The following DDX42 variants were observed in gnomAD, a reference collection of about 807,000 sequenced individuals.
DDX42 encodes the protein ATP-dependent RNA helicase DDX42.
Under a neutral mutation model 101.5 loss-of-function variants are expected in DDX42, and 22 were observed. That is an observed-to-expected ratio of 0.22 (90% CI 0.15 to 0.31). The LOEUF is 0.31. Ranked by LOEUF, DDX42 falls within the 10% of genes least tolerant of loss-of-function variation. The pLI, the probability that DDX42 is intolerant of heterozygous loss-of-function variation, is 1.00. For synonymous variants in DDX42, 402 were observed against 401.2 expected (o/e 1.00, Z -0.02); for missense variants, 849 against 1,199.9 (o/e 0.71, Z 4.32).
intron 14 of DDX42, among the ~76,000 whole-genome samples, chr17:63,812,952 G>C (rs2039930135): frequency 6.6e-6 from 1 of 152,152 alleles, no homozygotes; most frequent in Admixed American, 6.5e-5. Flanking sequence ...TTGAACCAGG[G>C]AGTCGGAGGT....
intron 1 of DDX42, chr17:63,774,822 C>G (rs995607319): frequency 6.6e-6 from 1 of 152,192 alleles, no homozygotes; most frequent in African/African-American, 2.4e-5. Flanking sequence ...GATCTTTGTG[C>G]AGCGTTGAGT....
chr17:63,780,617 C>G (rs188939232), intron 1 of DDX42, among the ~76,000 whole-genome samples: 1 of 152,198 alleles, frequency 6.6e-6, no homozygotes, highest in East Asian at 1.9e-4. Context: ...CTTGGCCTTC[C>G]TAGAGTCAGT....
At chr17:63,816,171 A>G (rs141024241) in intron 16 of DDX42, among the ~76,000 whole-genome samples, 3 of 152,286 alleles carry the variant, frequency 2.0e-5, no homozygotes, top group Non-Finnish European at 2.9e-5. Flanking sequence ...CCAGGTAACA[A>G]ATGTACCCTT....
chr17:63,811,802 C>G (rs1198773671), intron 13 of DDX42, 130 bp from the exon 14 acceptor site: 3 of 1,247,882 alleles, frequency 2.4e-6, no homozygotes. Flanking sequence ...ACTTGACTTG[C>G]TGAAGGCCCA....
chr17:63,810,385 C>T (rs765630432), intron 11 of DDX42, 128 bp from the exon 12 acceptor site: 1 of 907,298 alleles, frequency 1.1e-6, no homozygotes, highest in African/African-American at 1.7e-5. Context: ...GCCACTGTGC[C>T]TGGCCTGGGG....
At chr17:63,797,562 A>G (rs961087407) in intron 3 of DDX42, among the ~76,000 whole-genome samples, 3 of 152,130 alleles carry the variant, frequency 2.0e-5, no homozygotes, top group African/African-American at 7.2e-5. Context: ...TCTAGAAACC[A>G]GTACTATCAG....
At chr17:63,785,904 C>T (rs2039542610) in intron 1 of DDX42, among the ~76,000 whole-genome samples, 1 of 152,206 alleles carries the variant, frequency 6.6e-6, no homozygotes, top group Non-Finnish European at 1.5e-5. Context: ...GATGTCATTA[C>T]CAGAGGATAA....
At chr17:63,810,462 T>C in intron 11 of DDX42, 51 bp from the exon 12 acceptor site, 2 of 1,591,424 alleles carry the variant, frequency 1.3e-6, no homozygotes, top group South Asian at 1.1e-5. Context: ...TTTCCAGGCT[T>C]CCCAAACTGT....
At chr17:63,782,411 A>C (rs190565036) in intron 1 of DDX42, among the ~76,000 whole-genome samples, 80 of 152,224 alleles carry the variant, frequency 5.3e-4, no homozygotes, top group African/African-American at 1.9e-3. Flanking sequence ...CCCTCTCTGC[A>C]GTTACTGCCC....
At chr17:63,774,709 A>C (rs1442584225) in intron 1 of DDX42, 2 of 152,280 alleles carry the variant, frequency 1.3e-5, no homozygotes, top group Non-Finnish European at 2.9e-5. Context: ...CGCGGGGAGA[A>C]TTCTGACCCA....
At chr17:63,806,507 C>A in intron 7 of DDX42, 28 bp from the exon 8 acceptor site, 1 of 1,598,138 alleles carries the variant, frequency 6.3e-7, no homozygotes. Context: ...AAGTACAAGT[C>A]ATTCTGGGGA....
chr17:63,789,571 GTTTTT>G (rs538515067), intron 2 of DDX42, among the ~76,000 whole-genome samples: 2 of 45,680 alleles, frequency 4.4e-5, no homozygotes, highest in Non-Finnish European at 8.4e-5. Flanking sequence ...TTTTGTTTTT[GTTTTT>G]TTTTTTTTTT....
chr17:63,775,974 G>A (rs1486287171), intron 1 of DDX42: 1 of 152,158 alleles, frequency 6.6e-6, no homozygotes, highest in African/African-American at 2.4e-5. Context: ...GCATTTACTT[G>A]TATTTGGTTT....
chr17:63,799,776 A>G (rs913530750), intron 5 of DDX42, 151 bp downstream of exon 5: 12 of 689,168 alleles, frequency 1.7e-5, no homozygotes, highest in African/African-American at 3.6e-5. Flanking sequence ...TGTGTGACCA[A>G]TTGGTAATAC....
rs2144585605 is a variant in DDX42, at chr17:63,812,214, G to A, written c.1675+6G>A. On this transcript the variant is annotated splice_donor_region_variant and intron_variant, in intron 14 of 17. Transcript: ENST00000389924. Reference sequence around the variant, plus strand: ...GGTGGCCACAGATGTTGCAGGTAGAGTATGAATTTTTCAACAACATTAAGT... The same window carrying A: ...GGTGGCCACAGATGTTGCAGGTAGAATATGAATTTTTCAACAACATTAAGT... 1.2e-6 allele frequency: 2 copies of A among 1,607,142 alleles called. No homozygotes were observed. Among genetic ancestry groups the A allele is most frequent in the Non-Finnish European group, 1.7e-6 (2 of 1,176,216 alleles).
chr17:63,805,387 G>T, intron 7 of DDX42: 1 of 552,756 alleles, frequency 1.8e-6, no homozygotes, highest in Non-Finnish European at 2.9e-6. Context: ...TCATTTTCTT[G>T]TTTCATATTT....
intron 14 of DDX42, among the ~76,000 whole-genome samples, 167 bp downstream of exon 14, chr17:63,812,375 A>G (rs1329856034): frequency 6.6e-6 from 1 of 152,184 alleles, no homozygotes; most frequent in East Asian, 1.9e-4. Flanking sequence ...CAGGGATCAC[A>G]GTCTGGAGCT....
intron 1 of DDX42, among the ~76,000 whole-genome samples, chr17:63,784,222 G>A (rs2039521014): frequency 1.3e-5 from 2 of 152,098 alleles, no homozygotes; most frequent in Non-Finnish European, 2.9e-5. Flanking sequence ...ATAATAAACA[G>A]TTTTTGGAAT....
rs142395177 is a variant in DDX42, at chr17:63,782,962, G to A, written c.-16-4072G>A. 5.3e-3 allele frequency among the ~76,000 whole-genome samples: 808 copies of A among 152,106 alleles called. 5 individuals carry two copies. The highest frequency in any genetic ancestry group is 0.018 in the African/African-American group (737 of 41,504). ...TTCCCAAATGTGCTACTGAACTCTA[G>A]CTGCACTGAACTATTTCTTGTTCTC... On this transcript the variant is annotated intron_variant, in intron 1 of 17. Transcript: ENST00000389924.
Sources: gnomAD v4.1 joint callset for allele counts (sites outside exome capture counted in the v4.1 genomes callset) on GRCh38, gnomAD v4.1.1 for gene constraint, MANE v1.5 for transcripts, NCBI Gene and HGNC (gene_info 2026-07-23, HGNC 2026-07-21) for gene names.